Variants in CYTH3 observed in about 807,000 individuals in gnomAD.
The protein encoded by CYTH3 is cytohesin-3.
In CYTH3, 23 loss-of-function variants were observed where a neutral mutation model predicts 55.1. That is an observed-to-expected ratio of 0.42 (90% CI 0.30 to 0.59). The LOEUF (loss-of-function observed/expected upper bound fraction) is 0.59, where lower values mean the gene tolerates loss of function less well. Ranked by LOEUF, CYTH3 falls within the 20% of genes least tolerant of loss-of-function variation. CYTH3 has a pLI of 0.20. For missense variants in CYTH3, 413 were observed against 524.8 expected, an observed-to-expected ratio of 0.79 and a Z score of 2.08; for synonymous variants, 249 against 194.9, an observed-to-expected ratio of 1.28 and a Z score of -2.31.
At chr7:6,206,637 GA>G (rs1160188722) in intron 1 of CYTH3, among the ~76,000 whole-genome samples, 3 of 152,180 alleles carry the variant, frequency 2.0e-5, no homozygotes, top group Non-Finnish European at 4.4e-5. Flanking sequence ...GCCTATGTCT[GA>G]AAAACTGATC....
At chr7:6,205,631 T>G (rs558385396) in intron 1 of CYTH3, among the ~76,000 whole-genome samples, 11 of 152,146 alleles carry the variant, frequency 7.2e-5, no homozygotes, top group African/African-American at 2.6e-4. Flanking sequence ...ATATTACTTG[T>G]GTACTAAAGC....
chr7:6,259,260 T>C (rs1366065543), intron 1 of CYTH3, among the ~76,000 whole-genome samples: 4 of 152,212 alleles, frequency 2.6e-5, no homozygotes, highest in African/African-American at 9.6e-5. Context: ...ATGCTTTGTT[T>C]TACAGCAAAT....
chr7:6,179,770 C>CCA (rs1783448309), intron 4 of CYTH3, among the ~76,000 whole-genome samples: 1 of 91,298 alleles, frequency 1.1e-5, no homozygotes, highest in Non-Finnish European at 2.0e-5. Context: ...CCACACACAC[C>CCA]CCACACACAC....
chr7:6,185,616 T>A lies in CYTH3; in HGVS notation c.249+1434A>T, dbSNP rs12666407. Among the ~76,000 whole-genome samples, 4,162 of 149,906 alleles carry A rather than the reference T, an allele frequency of 0.028. 375 individuals carry two copies. The East Asian group carries it at 0.37, about 13-fold the overall frequency. ...TCGGGAGGCTGAGGCAGGAGAATGG[T>A]GTGAACCCGGGAGGTGGAGCTTGCG... On this transcript the variant is annotated intron_variant, in intron 4 of 12. Coordinates refer to ENST00000350796, the MANE Select transcript of CYTH3 (RefSeq NM_004227.4).
rs1783178979 is a variant in CYTH3, at chr7:6,171,143, C to A, written c.562+59G>T. 6 of 1,594,936 alleles carry A rather than the reference C, an allele frequency of 3.8e-6. No individual in the cohort carries two copies. Among genetic ancestry groups the A allele is most frequent in the Non-Finnish European group, 5.2e-6 (6 of 1,163,708 alleles). On this transcript the variant is annotated intron_variant, in intron 7 of 12. Coordinates refer to ENST00000350796, the MANE Select transcript of CYTH3 (RefSeq NM_004227.4). This position sits in a 1 kb window ranked among gnomAD's most constrained non-coding sequence, Gnocchi z 6.7. ...GCTGGGCTGTGCCCACAGGGGCCGC[C>A]CCCTCCAGAGCTGGAGGCTGTGCCT...
At chr7:6,218,969 T>C (rs6463532) in intron 1 of CYTH3, among the ~76,000 whole-genome samples, 47,926 of 141,968 alleles carry the variant, frequency 0.34, 14,028 homozygotes, top group African/African-American at 0.76. Context: ...TGTGCCACTG[T>C]ACTCCAGGCT....
chr7:6,246,897 ACAC>A (rs1379071595), intron 1 of CYTH3, among the ~76,000 whole-genome samples: 2 of 152,122 alleles, frequency 1.3e-5, no homozygotes, highest in South Asian at 2.1e-4. Flanking sequence ...ATTTTTTTTA[ACAC>A]CACAAGTTCC....
chr7:6,196,456 CTTTTTTTTTTTTT>C (rs5882084), intron 1 of CYTH3, among the ~76,000 whole-genome samples: 2 of 113,990 alleles, frequency 1.8e-5, no homozygotes, highest in African/African-American at 7.3e-5. Context: ...TTCTTTTTTT[CTTTTTTTTTTTTT>C]TTTTTTTGAG....
intron 1 of CYTH3, among the ~76,000 whole-genome samples, chr7:6,196,402 A>G (rs776168158): frequency 6.6e-6 from 1 of 151,948 alleles, no homozygotes; most frequent in Non-Finnish European, 1.5e-5. Flanking sequence ...CAGTTCTCAA[A>G]TCTTCAAAAC....
intron 1 of CYTH3, among the ~76,000 whole-genome samples, chr7:6,226,808 C>T (rs1326085773): frequency 6.6e-6 from 1 of 152,018 alleles, no homozygotes; most frequent in African/African-American, 2.4e-5. Context: ...GGGCCGGGCG[C>T]GGTGGCTCAT....
At chr7:6,201,531 C>T (rs1562384559) in intron 1 of CYTH3, among the ~76,000 whole-genome samples, 1 of 152,110 alleles carries the variant, frequency 6.6e-6, no homozygotes, top group Admixed American at 6.5e-5. Context: ...TTATCACTAA[C>T]AGAAATTCTT....
At chr7:6,241,926 T>A (rs1779683010) in intron 1 of CYTH3, among the ~76,000 whole-genome samples, 1 of 152,218 alleles carries the variant, frequency 6.6e-6, no homozygotes, top group Admixed American at 6.5e-5. Context: ...TATAATTGCA[T>A]AAATAAACAT....
chr7:6,187,635 A>T, intron 3 of CYTH3, 22 bp downstream of exon 3: 2 of 1,599,076 alleles, frequency 1.3e-6, no homozygotes, highest in South Asian at 2.2e-5. Context: ...AATAGCTTAA[A>T]GGTGTAGCCA....
At position 6,240,292 on chromosome 7, in the gene CYTH3, C is replaced by CAAAA. The variant is rs60884841; in HGVS notation, c.34+32178_34+32181dup. On this transcript the variant is annotated intron_variant, in intron 1 of 12. Coordinates refer to ENST00000350796, the MANE Select transcript of CYTH3 (RefSeq NM_004227.4). ...TACTCCAGCCTGGGAGACTCCATCT[C>CAAAA]AAAAAAAAAAAAAAAAAAAAAGAAT... 8.5e-4 allele frequency among the ~76,000 whole-genome samples: 51 copies of CAAAA among 60,198 alleles called. 1 individual carries two copies. Among genetic ancestry groups the CAAAA allele is most frequent in the Non-Finnish European group, 8.8e-4 (22 of 24,996 alleles). The allele number at this position is 60,198 out of a possible 152,430, so 39.5% of individuals were successfully genotyped here.
chr7:6,178,065 A>AC (rs1278327477), intron 4 of CYTH3, 124 bp from the exon 5 acceptor site: 22 of 678,216 alleles, frequency 3.2e-5, no homozygotes, highest in Non-Finnish European at 5.1e-5. Flanking sequence ...TACCAGAGAC[A>AC]CCCATACAAC....
In CYTH3 at chr7:6,183,753, T is replaced by C. The variant is rs1334126890; in HGVS notation, c.249+3297A>G. Among the ~76,000 whole-genome samples the C allele has an allele frequency of 6.6e-5, 10 of 151,820 alleles. No homozygotes were observed. The East Asian group carries it at 1.5e-3, about 23-fold the overall frequency. On this transcript the variant is annotated intron_variant, in intron 4 of 12. Transcript: ENST00000350796. ...GTCCGTGTCCCCCCCACAATTCATATGTTGAAGCCCAAACCCCCACTGTGA... is the reference window on the plus strand; with the variant it reads ...GTCCGTGTCCCCCCCACAATTCATACGTTGAAGCCCAAACCCCCACTGTGA...
intron 4 of CYTH3, among the ~76,000 whole-genome samples, chr7:6,186,547 T>C (rs980408666): frequency 1.3e-5 from 2 of 151,880 alleles, no homozygotes; most frequent in African/African-American, 4.9e-5. Flanking sequence ...GGAGGATCCC[T>C]TGTTTTTTCA....
chr7:6,185,197 G>A (rs915581397), intron 4 of CYTH3, among the ~76,000 whole-genome samples: 9 of 152,194 alleles, frequency 5.9e-5, no homozygotes, highest in Non-Finnish European at 1.0e-4. Flanking sequence ...CATAAGCAGA[G>A]AACCAGAAAG....
At chr7:6,240,143 T>C (rs928443655) in intron 1 of CYTH3, among the ~76,000 whole-genome samples, 4 of 151,738 alleles carry the variant, frequency 2.6e-5, no homozygotes, top group African/African-American at 9.7e-5. Flanking sequence ...TCGTCTCTAC[T>C]AAAAACACAA....
Sources: gnomAD v4.1 joint callset for allele counts (sites outside exome capture counted in the v4.1 genomes callset) on GRCh38, gnomAD v4.1.1 for gene constraint, Gnocchi (gnomAD v3.1) non-coding constraint, MANE v1.5 for transcripts, NCBI Gene and HGNC (gene_info 2026-07-23, HGNC 2026-07-21) for gene names.